The following SMYD3 variants were observed in gnomAD, a reference collection of about 807,000 sequenced individuals.
The protein encoded by SMYD3 is histone-lysine N-methyltransferase SMYD3.
A neutral mutation model predicts 57.7 loss-of-function variants in SMYD3; 36 were observed. That is an observed-to-expected ratio of 0.62 (90% CI 0.48 to 0.82). The LOEUF is 0.82. SMYD3 is among the 40% of genes least tolerant of loss of function. The pLI, the probability that SMYD3 is intolerant of heterozygous loss-of-function variation, is 0.00. For missense variants in SMYD3, 515 were observed against 538.8 expected, an observed-to-expected ratio of 0.96 and a Z score of 0.44; for synonymous variants, 211 against 195.0, an observed-to-expected ratio of 1.08 and a Z score of -0.68.
At chr1:246,352,944 AT>A in intron 2 of SMYD3, among the ~76,000 whole-genome samples, 1 of 152,352 alleles carries the variant, frequency 6.6e-6, no homozygotes, top group Non-Finnish European at 1.5e-5. Context: ...GTCAAATAAT[AT>A]GATAATCTGT....
At chr1:245,882,913 G>A (rs1278046698) in intron 8 of SMYD3, among the ~76,000 whole-genome samples, 1 of 152,208 alleles carries the variant, frequency 6.6e-6, no homozygotes, top group South Asian at 2.1e-4. Flanking sequence ...AATCAATAAA[G>A]AGACTTATAT....
chr1:245,821,441 C>A (rs1380729605), intron 10 of SMYD3, among the ~76,000 whole-genome samples: 4 of 149,832 alleles, frequency 2.7e-5, no homozygotes, highest in Non-Finnish European at 4.5e-5. Flanking sequence ...ACCATAAAAA[C>A]CCTAGAAGAA....
Position 245,807,590 on chromosome 1 carries a change from G to A in SMYD3, c.1077-43441C>T, listed in dbSNP as rs899637747. Among the ~76,000 whole-genome samples, 14 of 152,068 alleles carry A rather than the reference G, an allele frequency of 9.2e-5. No individual in the cohort carries two copies. In the South Asian group the frequency reaches 1.9e-3, roughly 20 times the overall value. On this transcript the variant is annotated intron_variant, in intron 10 of 11. Transcript: ENST00000490107. ...GAGCAATCGCAGCCAACTCAAAACCGCACTCGAAAACGGCCTTGCATTCAT... is the reference window on the plus strand; with the variant it reads ...GAGCAATCGCAGCCAACTCAAAACCACACTCGAAAACGGCCTTGCATTCAT...
chr1:246,271,959 C>T (rs2064231402), intron 5 of SMYD3, among the ~76,000 whole-genome samples: 1 of 152,100 alleles, frequency 6.6e-6, no homozygotes, highest in Non-Finnish European at 1.5e-5. Context: ...TTTATGTTGC[C>T]TTTAATTTCT....
At chr1:246,362,598 T>G (rs973269226) in intron 1 of SMYD3, among the ~76,000 whole-genome samples, 1 of 152,202 alleles carries the variant, frequency 6.6e-6, no homozygotes, top group Non-Finnish European at 1.5e-5. Flanking sequence ...GTGCCTGCGA[T>G]TGCAGGCGCG....
chr1:246,386,431 G>A (rs1402346736), intron 1 of SMYD3, among the ~76,000 whole-genome samples: 1 of 152,126 alleles, frequency 6.6e-6, no homozygotes, highest in Non-Finnish European at 1.5e-5. Flanking sequence ...ATTACTGGTA[G>A]ACTAAACATT....
intron 5 of SMYD3, among the ~76,000 whole-genome samples, chr1:246,222,367 A>G (rs1162217040): frequency 6.6e-6 from 1 of 152,168 alleles, no homozygotes; most frequent in East Asian, 1.9e-4. Flanking sequence ...AGAGATCCAT[A>G]TTACAGAAAA....
At chr1:246,090,783 C>G (rs2147886090) in intron 5 of SMYD3, among the ~76,000 whole-genome samples, 1 of 152,260 alleles carries the variant, frequency 6.6e-6, no homozygotes, top group East Asian at 1.9e-4. Context: ...TCCCAAAGCG[C>G]TGGGATTACA....
In SMYD3 at chr1:245,842,793, C is replaced by T. The variant is rs1018120369; in HGVS notation, c.1076+15703G>A. Reference sequence around the variant, plus strand: ...GTACAATCAAAGCTAACTGTTACCTCGAACTCCTGGGGTCAAAAGTGATCA... The same window carrying T: ...GTACAATCAAAGCTAACTGTTACCTTGAACTCCTGGGGTCAAAAGTGATCA... On this transcript the variant is annotated intron_variant, in intron 10 of 11. Transcript: ENST00000490107. Among the ~76,000 whole-genome samples, 5 of 152,216 alleles carry T rather than the reference C, an allele frequency of 3.3e-5. No homozygotes were observed. The East Asian group carries it at 7.7e-4, about 24-fold the overall frequency.
At chr1:246,189,988 T>C (rs1225509598) in intron 5 of SMYD3, among the ~76,000 whole-genome samples, 1 of 152,154 alleles carries the variant, frequency 6.6e-6, no homozygotes, top group Non-Finnish European at 1.5e-5. Context: ...AAAGGCAGGA[T>C]TTGTTTTTGT....
At chr1:246,186,273 T>G (rs2062638724) in intron 5 of SMYD3, among the ~76,000 whole-genome samples, 1 of 152,164 alleles carries the variant, frequency 6.6e-6, no homozygotes. Context: ...GCATCAGAAA[T>G]GCCAGCAAGA....
At position 246,232,004 on chromosome 1, in the gene SMYD3, G is replaced by C. The variant is rs142080216; in HGVS notation, c.531+95197C>G. 4.8e-3 allele frequency among the ~76,000 whole-genome samples: 734 copies of C among 152,296 alleles called. 4 individuals are homozygous for C. The highest frequency in any genetic ancestry group is 5.6e-3 in the Non-Finnish European group (382 of 68,024). On this transcript the variant is annotated intron_variant, in intron 5 of 11. Transcript: ENST00000490107. ...TTATAACACTTGAGACCACAGTCCA[G>C]GAGAAGCGCAGCATTTATTCTCTTA...
At chr1:245,791,226 G>A (rs2047253436) in intron 10 of SMYD3, among the ~76,000 whole-genome samples, 2 of 152,116 alleles carry the variant, frequency 1.3e-5, no homozygotes, top group South Asian at 2.1e-4. Flanking sequence ...AAACTACTCT[G>A]GGCATCTTAT....
intron 10 of SMYD3, among the ~76,000 whole-genome samples, chr1:245,851,268 G>A (rs987901055): frequency 6.6e-6 from 1 of 152,188 alleles, no homozygotes; most frequent in Non-Finnish European, 1.5e-5. Context: ...ACCAGAATGA[G>A]GACTTTGTAT....
At chr1:246,444,127 AT>A (rs371124808) in intron 1 of SMYD3, among the ~76,000 whole-genome samples, 50 of 142,694 alleles carry the variant, frequency 3.5e-4, no homozygotes, top group African/African-American at 3.4e-4. Context: ...GAACCTAAGA[AT>A]TTTTTTTTTT....
intron 5 of SMYD3, among the ~76,000 whole-genome samples, chr1:246,241,919 C>A (rs1049267565): frequency 1.3e-5 from 2 of 152,164 alleles, no homozygotes; most frequent in Non-Finnish European, 2.9e-5. Flanking sequence ...GTTTGCATTT[C>A]TGTGGGGTCA....
chr1:246,236,804 GC>G (rs2063518587), intron 5 of SMYD3, among the ~76,000 whole-genome samples: 2 of 152,122 alleles, frequency 1.3e-5, no homozygotes, highest in Admixed American at 6.5e-5. Flanking sequence ...GAGCCACCAT[GC>G]CCAGCCAACC....
At chr1:246,427,592 C>T (rs1454961520) in intron 1 of SMYD3, among the ~76,000 whole-genome samples, 1 of 151,326 alleles carries the variant, frequency 6.6e-6, no homozygotes, top group Non-Finnish European at 1.5e-5. Context: ...GGCCAGGTGT[C>T]GTGGCTCATG....
At chr1:246,450,938 T>C (rs72760817) in intron 1 of SMYD3, among the ~76,000 whole-genome samples, 32,676 of 152,216 alleles carry the variant, frequency 0.21, 3,677 homozygotes, top group Middle Eastern at 0.29. Flanking sequence ...TCAGTGTACA[T>C]GACTCTACCA....
Sources: gnomAD v4.1 joint callset for allele counts (sites outside exome capture counted in the v4.1 genomes callset) on GRCh38, gnomAD v4.1.1 for gene constraint, MANE v1.5 for transcripts, NCBI Gene and HGNC (gene_info 2026-07-23, HGNC 2026-07-21) for gene names.